Variants in HSD17B4 observed in about 807,000 individuals in gnomAD.
HSD17B4 encodes peroxisomal multifunctional enzyme type 2.
A neutral mutation model predicts 101.0 loss-of-function variants in HSD17B4; 70 were observed. The observed-to-expected ratio is 0.69, with a 90% confidence interval of 0.57 to 0.85. HSD17B4 has a LOEUF of 0.85. Among genes scored for constraint, HSD17B4 ranks in the 40% least tolerant of loss-of-function variants. HSD17B4 has a pLI of 0.00. For missense variants in HSD17B4, 984 were observed against 892.4 expected (o/e 1.10, Z -1.31); for synonymous variants, 347 against 297.1 (o/e 1.17, Z -1.73).
In HSD17B4 at chr5:119,452,893, G is replaced by T. The variant is rs189086225; in HGVS notation, c.58+260G>T. On this transcript the variant is annotated intron_variant, in intron 1 of 23. Transcript: ENST00000510025. ...CCTGCCTGAGAGGAGAGGCCAGGCT[G>T]GGCTGCTGATTGCAAAACTGGGTGA... 249 of 1,522,538 alleles carry T rather than the reference G, an allele frequency of 1.6e-4. 1 individual carries two copies. The African/African-American group carries it at 2.9e-3, about 18-fold the overall frequency. The allele number at this position is 1,522,538 out of a possible 1,614,324, so 94.3% of individuals were successfully genotyped here.
chr5:119,539,013 T>C (rs956404885), intron 23 of HSD17B4, among the ~76,000 whole-genome samples: 3 of 152,088 alleles, frequency 2.0e-5, no homozygotes, highest in Non-Finnish European at 4.4e-5. Context: ...AAAGCAAATA[T>C]AGAAGGAATG....
chr5:119,476,734 T>TCTC, intron 6 of HSD17B4: 1 of 984,572 alleles, frequency 1.0e-6, no homozygotes, highest in Non-Finnish European at 1.2e-6. Context: ...GGTATTTCCT[T>TCTC]CTCTGATTCC....
At chr5:119,487,961 C>A (rs1749756089) in intron 8 of HSD17B4, among the ~76,000 whole-genome samples, 1 of 152,008 alleles carries the variant, frequency 6.6e-6, no homozygotes, top group African/African-American at 2.4e-5. Context: ...CTTTTGAGAG[C>A]TTTTAGAGGC....
At chr5:119,471,861 T>G (rs145376674) in intron 2 of HSD17B4, among the ~76,000 whole-genome samples, 1 of 152,296 alleles carries the variant, frequency 6.6e-6, no homozygotes, top group African/African-American at 2.4e-5. Flanking sequence ...ATATACACTT[T>G]ATGCTAAAAT....
At chr5:119,463,476 AAT>A (rs1188444210) in intron 2 of HSD17B4, among the ~76,000 whole-genome samples, 1 of 151,012 alleles carries the variant, frequency 6.6e-6, no homozygotes, top group Non-Finnish European at 1.5e-5. Context: ...TTCCACCAAT[AAT>A]ATATGAGAGT....
At chr5:119,532,801 G>T (rs1397961618) in intron 22 of HSD17B4, among the ~76,000 whole-genome samples, 1 of 152,114 alleles carries the variant, frequency 6.6e-6, no homozygotes, top group African/African-American at 2.4e-5. Flanking sequence ...GTCTGCTCTT[G>T]AAAATTAAAA....
intron 2 of HSD17B4, among the ~76,000 whole-genome samples, chr5:119,458,570 A>T (rs1418767063): frequency 6.7e-6 from 1 of 150,348 alleles, no homozygotes; most frequent in African/African-American, 2.4e-5. Flanking sequence ...GCTGGTCTTG[A>T]ACTCCTGACC....
chr5:119,540,455 A>G (rs1220684393), intron 23 of HSD17B4, among the ~76,000 whole-genome samples: 1 of 152,140 alleles, frequency 6.6e-6, no homozygotes, highest in Non-Finnish European at 1.5e-5. Context: ...AAAATGTCCA[A>G]AATTGATATT....
rs1332503476 is a variant in HSD17B4, at chr5:119,456,310, A to T, written c.59-5A>T. The T allele has an allele frequency of 3.7e-6, 6 of 1,606,042 alleles. No homozygotes were observed. The highest frequency in any genetic ancestry group is 5.1e-6 in the Non-Finnish European group (6 of 1,172,624). On this transcript the variant is annotated splice_region_variant and splice_polypyrimidine_tract_variant and intron_variant, in intron 1 of 23. Coordinates refer to ENST00000510025, the MANE Select transcript of HSD17B4 (RefSeq NM_000414.4). ...CAACTTTCTGATTATTTTGTTTTTGATTAGGATTGGGCCGAGCCTATGCCC... is the reference window on the plus strand; with the variant it reads ...CAACTTTCTGATTATTTTGTTTTTGTTTAGGATTGGGCCGAGCCTATGCCC...
intron 7 of HSD17B4, chr5:119,477,809 G>A (rs1326671833): frequency 1.2e-5 from 4 of 342,950 alleles, no homozygotes; most frequent in Non-Finnish European, 2.2e-5. Flanking sequence ...CTGGAGTACA[G>A]TGGCATGAAC....
At chr5:119,529,746 CT>C in intron 20 of HSD17B4, 147 bp from the exon 21 acceptor site, 2 of 611,350 alleles carry the variant, frequency 3.3e-6, no homozygotes, top group Non-Finnish European at 5.8e-6. Context: ...TTGACATTTA[CT>C]TTAGCAGCCT....
chr5:119,531,692 A>T (rs978869885), intron 22 of HSD17B4, among the ~76,000 whole-genome samples: 1 of 152,054 alleles, frequency 6.6e-6, no homozygotes, highest in Non-Finnish European at 1.5e-5. Flanking sequence ...TTAAACAGTC[A>T]TCTTGGCTAT....
chr5:119,525,722 TTTTC>T (rs1026445800), intron 18 of HSD17B4, 191 bp from the exon 19 acceptor site: 6 of 578,196 alleles, frequency 1.0e-5, no homozygotes, highest in South Asian at 4.2e-5. Context: ...TGTTTTTTTT[TTTTC>T]TTTCTTTCTT....
At chr5:119,506,546 T>C (rs1025871517) in intron 14 of HSD17B4, among the ~76,000 whole-genome samples, 1 of 152,210 alleles carries the variant, frequency 6.6e-6, no homozygotes, top group Non-Finnish European at 1.5e-5. Context: ...ATGGGATTGC[T>C]GGGTCAAATG....
At chr5:119,525,713 G>T (rs1436254160) in intron 18 of HSD17B4, 588 of 484,388 alleles carry the variant, frequency 1.2e-3, no homozygotes, top group Middle Eastern at 1.7e-3. Flanking sequence ...TTCCTGTTTT[G>T]TTTTTTTTTT....
chr5:119,485,300 G>A (rs189681651), intron 8 of HSD17B4, among the ~76,000 whole-genome samples: 2 of 152,076 alleles, frequency 1.3e-5, no homozygotes, highest in African/African-American at 4.8e-5. Flanking sequence ...TGGGAATATG[G>A]TATCATTTAT....
intron 10 of HSD17B4, 125 bp from the exon 11 acceptor site, chr5:119,493,693 T>G (rs1418814105): frequency 2.3e-6 from 2 of 855,732 alleles, no homozygotes; most frequent in African/African-American, 1.7e-5. Flanking sequence ...GGTAAAACTC[T>G]TTAGGAGTTA....
Position 119,541,948 on chromosome 5 carries a change from T to A in HSD17B4, c.2165T>A (p.Leu722Gln). Residue 722 changes from leucine (L) to glutamine (Q), a missense_variant, in exon 24 of 24, where the codon CTG (leucine) becomes CAG (glutamine). Coordinates refer to ENST00000510025, the MANE Select transcript of HSD17B4 (RefSeq NM_000414.4). ...CTGAAGGCCAGAGGGAACATCATGCTGAGCCAGAAACTTCAGATGATTCTT... is the reference window on the plus strand; with the variant it reads ...CTGAAGGCCAGAGGGAACATCATGCAGAGCCAGAAACTTCAGATGATTCTT... ...GRLKARGNIMLSQKLQMILKD... is the reference protein window; with the variant it reads ...GRLKARGNIMQSQKLQMILKD... 1 of 1,613,398 alleles carries A rather than the reference T, an allele frequency of 6.2e-7. No individual in the cohort carries two copies. The highest frequency in any genetic ancestry group is 8.5e-7 in the Non-Finnish European group (1 of 1,179,578).
intron 1 of HSD17B4, 43 bp from the exon 2 acceptor site, chr5:119,456,272 G>A (rs749073144): frequency 2.0e-5 from 29 of 1,418,286 alleles, no homozygotes; most frequent in Middle Eastern, 3.5e-4. Flanking sequence ...AAAAAATTAT[G>A]CTGACATTTC....
Sources: allele counts gnomAD v4.1 joint callset (sites outside exome capture counted in the v4.1 genomes callset), GRCh38; gene constraint gnomAD v4.1.1; transcripts MANE v1.5; gene names NCBI Gene and HGNC (gene_info 2026-07-23, HGNC 2026-07-21).